DOCK10: variants seen among roughly 807,000 people sequenced by gnomAD.
DOCK10 encodes the protein dedicator of cytokinesis 10, also known as dedicator of cytokinesis protein 10.
A neutral mutation model predicts 280.1 loss-of-function variants in DOCK10; 145 were observed. The observed-to-expected ratio is 0.52, with a 90% CI of 0.45 to 0.59. The LOEUF (loss-of-function observed/expected upper bound fraction) is 0.59. DOCK10 is among the 20% of genes least tolerant of loss of function. The pLI is 0.00. For synonymous variants in DOCK10, 915 were observed against 942.2 expected (o/e 0.97, Z 0.53); for missense variants, 2,368 against 2,651.7 (o/e 0.89, Z 2.35).
intron 1 of DOCK10, among the ~76,000 whole-genome samples, chr2:224,938,078 CT>C (rs1471401107): frequency 6.6e-6 from 1 of 152,124 alleles, no homozygotes; most frequent in Non-Finnish European, 1.5e-5. Context: ...TGGGGTTGCT[CT>C]AGTTTTGTCT....
chr2:224,820,637 T>A (rs1252653127), intron 28 of DOCK10, among the ~76,000 whole-genome samples: 1 of 152,234 alleles, frequency 6.6e-6, no homozygotes, highest in Non-Finnish European at 1.5e-5. Flanking sequence ...GGACTACACA[T>A]AAAATCTTGC....
At chr2:224,780,980 A>G (rs1691292748) in intron 50 of DOCK10, among the ~76,000 whole-genome samples, 1 of 152,120 alleles carries the variant, frequency 6.6e-6, no homozygotes, top group South Asian at 2.1e-4. Context: ...TGGGATGGGA[A>G]AATTCAGACT....
chr2:224,985,886 T>C (rs1705961413), intron 1 of DOCK10, among the ~76,000 whole-genome samples: 1 of 152,238 alleles, frequency 6.6e-6, no homozygotes, highest in Non-Finnish European at 1.5e-5. Context: ...CTTTTTACAA[T>C]GGGCAAGGAA....
At chr2:224,940,700 G>A (rs1702995235) in intron 1 of DOCK10, among the ~76,000 whole-genome samples, 1 of 152,136 alleles carries the variant, frequency 6.6e-6, no homozygotes, top group African/African-American at 2.4e-5. Flanking sequence ...TCCTATGACA[G>A]CAGAATATCT....
chr2:224,849,458 A>T, intron 19 of DOCK10, 49 bp downstream of exon 19: 1 of 1,347,520 alleles, frequency 7.4e-7, no homozygotes, highest in Non-Finnish European at 1.0e-6. Context: ...CTGAACATTT[A>T]CCCACCTTTC....
intron 27 of DOCK10, among the ~76,000 whole-genome samples, 162 bp downstream of exon 27, chr2:224,830,379 G>A (rs893957754): frequency 1.8e-4 from 27 of 152,088 alleles, no homozygotes; most frequent in Non-Finnish European, 3.4e-4. Context: ...GGCCTGTGCC[G>A]GTTGGTGTAC....
rs1016301338 is a variant in DOCK10 at position 224,990,795 on chromosome 2, T to C, written c.123+51457A>G. Among the ~76,000 whole-genome samples, 6 of 152,174 alleles carry C rather than the reference T, an allele frequency of 3.9e-5. No individual in the cohort carries two copies. The South Asian group carries it at 8.3e-4, about 21-fold the overall frequency. On this transcript the variant is annotated intron_variant, in intron 1 of 55. Transcript: ENST00000258390. Reference sequence around the variant, plus strand: ...ATGAGTAAACAAATTTGAAATAATATAATAATACCTCACTTACCCTAAGGT... The same window carrying C: ...ATGAGTAAACAAATTTGAAATAATACAATAATACCTCACTTACCCTAAGGT...
Position 224,845,265 on chromosome 2 carries a change from T to C in DOCK10, c.2419A>G (p.Ile807Val). The change falls in exon 21 of 56, where the codon ATC becomes GTC. Residue 807 changes from isoleucine (I) to valine (V), a missense_variant. Transcript: ENST00000258390. ...GGAGGCAGACTTGTTGCTATTGGGA[T>C]GTTGTACTCTTGAGAAGCTATCTGA... ...HDQIASQEYN[I>V]PIATSLPPNY... is the part of the protein sequence containing the mutation. The C allele has an allele frequency of 1.3e-6, 2 of 1,588,754 alleles. No homozygotes were observed. Among genetic ancestry groups the C allele is most frequent in the South Asian group, 2.3e-5 (2 of 87,284 alleles).
intron 1 of DOCK10, among the ~76,000 whole-genome samples, chr2:225,015,648 A>G (rs1689569229): frequency 6.6e-6 from 1 of 152,108 alleles, no homozygotes. Context: ...GCTCTTGGGA[A>G]TGGGGCAGAA....
intron 1 of DOCK10, among the ~76,000 whole-genome samples, chr2:224,953,994 G>A (rs1031220956): frequency 1.3e-5 from 2 of 152,078 alleles, no homozygotes; most frequent in Non-Finnish European, 2.9e-5. Flanking sequence ...CATTTGCTGT[G>A]TATGTCTGTA....
intron 1 of DOCK10, among the ~76,000 whole-genome samples, chr2:224,975,234 T>C (rs892450481): frequency 3.9e-5 from 6 of 152,192 alleles, no homozygotes; most frequent in Non-Finnish European, 7.4e-5. Context: ...TTAATTCTCA[T>C]ACCCAGAGAG....
chr2:224,872,333 A>T (rs542112642), intron 11 of DOCK10, among the ~76,000 whole-genome samples: 1 of 152,354 alleles, frequency 6.6e-6, no homozygotes, highest in South Asian at 2.1e-4. Context: ...TACCATGTGT[A>T]ACCACAACAA....
rs1434549621 is a variant in DOCK10, at chr2:224,952,596, T to TA, written c.124-20929_124-20928insT. Among the ~76,000 whole-genome samples, 508 of 148,912 alleles carry TA rather than the reference T, an allele frequency of 3.4e-3. 11 individuals carry two copies. Among genetic ancestry groups the TA allele is most frequent in the African/African-American group, 0.012 (485 of 40,700 alleles). ...TTTTAAATGCTCAATTATGTTATTTTTTTTTTTTTTTTTTGAGACGGAGTC... is the reference window on the plus strand; with the variant it reads ...TTTTAAATGCTCAATTATGTTATTTTATTTTTTTTTTTTTTGAGACGGAGTC... On this transcript the variant is annotated intron_variant, in intron 1 of 55. Transcript: ENST00000258390.
At chr2:224,933,130 A>G (rs1034416032) in intron 1 of DOCK10, among the ~76,000 whole-genome samples, 1 of 152,248 alleles carries the variant, frequency 6.6e-6, no homozygotes, top group Non-Finnish European at 1.5e-5. Context: ...GTTGACGAAC[A>G]TATTTAATGA....
At chr2:224,916,901 G>GTGTCTCTGTCTTCTGTTA in intron 2 of DOCK10, 117 bp from the exon 3 acceptor site, 9 of 735,952 alleles carry the variant, frequency 1.2e-5, no homozygotes, top group Non-Finnish European at 2.1e-5. Context: ...GTTAACAGAA[G>GTGTCTCTGTCTTCTGTTA]ACAGAGACAC....
At chr2:224,902,866 G>C (rs926357708) in intron 3 of DOCK10, among the ~76,000 whole-genome samples, 2 of 152,086 alleles carry the variant, frequency 1.3e-5, no homozygotes, top group African/African-American at 4.8e-5. Flanking sequence ...GGCCAACGCG[G>C]GCAGATCATG....
intron 41 of DOCK10, 64 bp from the exon 42 acceptor site, chr2:224,798,033 T>C (rs774327954): frequency 1.9e-5 from 29 of 1,519,888 alleles, no homozygotes; most frequent in African/African-American, 4.2e-5. Flanking sequence ...TATCAAAAAA[T>C]ATTTATTGTG....
At chr2:224,843,348 G>C (rs893439740) in intron 22 of DOCK10, among the ~76,000 whole-genome samples, 4 of 152,186 alleles carry the variant, frequency 2.6e-5, no homozygotes, top group African/African-American at 9.7e-5. Context: ...GTGAGTCAGA[G>C]ACCTCAGCTA....
chr2:224,865,222 G>C, intron 11 of DOCK10, 135 bp from the exon 12 acceptor site: 1 of 771,832 alleles, frequency 1.3e-6, no homozygotes. Flanking sequence ...CAGTGACCCG[G>C]AATCCTGTCC....
Sources: gnomAD v4.1 joint callset for allele counts (sites outside exome capture counted in the v4.1 genomes callset) on GRCh38, gnomAD v4.1.1 for gene constraint, MANE v1.5 for transcripts, NCBI Gene and HGNC (gene_info 2026-07-23, HGNC 2026-07-21) for gene names.